The following IGSF10 variants were observed in gnomAD, a reference collection of about 807,000 sequenced individuals.
The protein encoded by IGSF10 is immunoglobulin superfamily member 10, also known as calvaria mechanical force protein 608.
A neutral mutation model predicts 128.2 loss-of-function variants in IGSF10; 126 were observed. The observed-to-expected ratio is 0.98, with a 90% CI of 0.85 to 1.14. The LOEUF is 1.14. Ranked by LOEUF, IGSF10 falls within the 50% of genes most tolerant of loss-of-function variation. The pLI is 0.00. For synonymous variants in IGSF10, 1,185 were observed against 1,146.2 expected (o/e 1.03, Z -0.68); for missense variants, 3,295 against 3,149.8 (o/e 1.05, Z -1.10).
Position 151,447,175 on chromosome 3 carries a change from G to C in IGSF10, c.2806C>G (p.Leu936Val). 6.2e-7 allele frequency: 1 copy of C among 1,614,186 alleles called. No individual in the cohort carries two copies. The highest frequency in any genetic ancestry group is 8.5e-7 in the Non-Finnish European group (1 of 1,180,024). ...AATAGTTTGTTGGTGGTGCTACTAA[G>C]CATTTTGACATTGACATCTTTGATC... The part of the protein sequence containing the change: ...TMIKDVNVKM[L>V]SSTTNKLLLE... Residue 936 changes from leucine (L) to valine (V), a missense_variant, in exon 6 of 8, where the codon CTT becomes GTT. By Grantham distance (32) the Leu-to-Val change is conservative. Coordinates refer to ENST00000282466, the MANE Select transcript of IGSF10 (RefSeq NM_178822.5).
At chr3:151,548,728 CT>C in the IGSF10 span, among the ~76,000 whole-genome samples, 9 of 151,826 alleles carry the variant, frequency 5.9e-5, no homozygotes, top group Non-Finnish European at 2.9e-5. Flanking sequence ...ATAGTTTTTC[CT>C]TTTTTTAATT....
In IGSF10 at chr3:151,460,938, G is replaced by A. The variant is rs886952749; in HGVS notation, c.-89+8C>T. 3.4e-4 allele frequency: 337 copies of A among 985,212 alleles called. No individual in the cohort carries two copies. The highest frequency in any genetic ancestry group is 3.8e-4 in the Non-Finnish European group (315 of 829,890). The allele number at this position is 985,212 out of a possible 1,614,324, so 61.0% of individuals were successfully genotyped here. ...CCTTTCCGGGGAAGGATTGGCCGAG[G>A]CGCTCACCTGTTTGCCCTGGTGACC... On this transcript the variant is annotated splice_region_variant and intron_variant, in intron 1 of 7. Transcript: ENST00000282466.
chr3:151,558,318 C>T, the IGSF10 span, among the ~76,000 whole-genome samples: 434 of 151,776 alleles, frequency 2.9e-3, 1 homozygote, highest in Middle Eastern at 6.8e-3. Context: ...CCAAGTTCTT[C>T]GGGTTAATTC....
chr3:151,551,653 C>T, the IGSF10 span, among the ~76,000 whole-genome samples: 1 of 130,428 alleles, frequency 7.7e-6, no homozygotes, highest in Non-Finnish European at 1.6e-5. Context: ...TGCCTTGGAA[C>T]ATGGGCATTA....
chr3:151,612,251 G>T, the IGSF10 span, among the ~76,000 whole-genome samples: 3 of 152,132 alleles, frequency 2.0e-5, no homozygotes, highest in East Asian at 1.9e-4. Context: ...TCTTGAAAAT[G>T]AATTGAAAAA....
the IGSF10 span, among the ~76,000 whole-genome samples, chr3:151,614,138 T>C: frequency 2.0e-5 from 3 of 152,262 alleles, no homozygotes; most frequent in South Asian, 2.1e-4. Context: ...CTCACACCAG[T>C]TAGAATGGCG....
At chr3:151,577,072 G>A in the IGSF10 span, among the ~76,000 whole-genome samples, 1 of 152,024 alleles carries the variant, frequency 6.6e-6, no homozygotes, top group Non-Finnish European at 1.5e-5. Context: ...ATGACATCGG[G>A]TCTGTCATGT....
At chr3:151,524,683 G>A in the IGSF10 span, among the ~76,000 whole-genome samples, 1 of 152,248 alleles carries the variant, frequency 6.6e-6, no homozygotes, top group Non-Finnish European at 1.5e-5. Flanking sequence ...TGGGTACTGG[G>A]CTTAATACCT....
the IGSF10 span, among the ~76,000 whole-genome samples, chr3:151,586,034 C>T: frequency 6.7e-6 from 1 of 149,966 alleles, no homozygotes; most frequent in Admixed American, 6.7e-5. Flanking sequence ...GGCTGGAGTG[C>T]AGTGTTGTGA....
the IGSF10 span, among the ~76,000 whole-genome samples, chr3:151,576,860 C>T: frequency 6.6e-6 from 1 of 152,166 alleles, no homozygotes; most frequent in Admixed American, 6.5e-5. Context: ...GAATAATCCA[C>T]TTCTTGTTTA....
At chr3:151,460,683 C>T (rs1257286833) in intron 1 of IGSF10, among the ~76,000 whole-genome samples, 1 of 151,978 alleles carries the variant, frequency 6.6e-6, no homozygotes, top group Non-Finnish European at 1.5e-5. Context: ...CTTTTTTGGA[C>T]AAATCTGTCA....
the IGSF10 span, among the ~76,000 whole-genome samples, chr3:151,531,976 T>C: frequency 1.3e-5 from 2 of 151,168 alleles, no homozygotes; most frequent in Non-Finnish European, 3.0e-5. Flanking sequence ...ATAAATGCAA[T>C]AAAAAATGAT....
the IGSF10 span, among the ~76,000 whole-genome samples, chr3:151,491,683 A>G: frequency 2.6e-5 from 4 of 152,186 alleles, no homozygotes; most frequent in African/African-American, 9.6e-5. Context: ...AAAGAAAAGC[A>G]CAGGACCAGA....
At chr3:151,546,817 C>G in the IGSF10 span, among the ~76,000 whole-genome samples, 1 of 152,088 alleles carries the variant, frequency 6.6e-6, no homozygotes, top group Non-Finnish European at 1.5e-5. Flanking sequence ...GTTGCCCAGG[C>G]TGAAGCGCAA....
In IGSF10 at chr3:151,447,833, AC is replaced by A. The variant is rs754084411; in HGVS notation, c.2147del (p.Ser716IlefsTer9). 3.7e-6 allele frequency: 6 copies of A among 1,612,830 alleles called. No homozygotes were observed. The South Asian group carries it at 6.6e-5, about 18-fold the overall frequency. On this transcript the variant is annotated frameshift_variant, in exon 6 of 8. Transcript: ENST00000282466. LOFTEE classifies it high-confidence loss of function. ...AEVGKHTSST[S>X]KRHNYRELTL... ...TTAATTCCCGATAGTTGTGCCTCTTACTTGTGCTTGAGGTGTGTTTTCCAAC... is the reference window on the plus strand; with the variant it reads ...TTAATTCCCGATAGTTGTGCCTCTTATTGTGCTTGAGGTGTGTTTTCCAAC...
At chr3:151,605,194 C>T in the IGSF10 span, among the ~76,000 whole-genome samples, 4 of 152,200 alleles carry the variant, frequency 2.6e-5, no homozygotes, top group African/African-American at 9.7e-5. Context: ...TCAAGCAACT[C>T]AAATTTTTTT....
Position 151,437,787 on chromosome 3 carries a change from G to T in IGSF10, c.6774C>A (p.His2258Gln), listed in dbSNP as rs1366117332. The T allele has an allele frequency of 6.2e-7, 1 of 1,613,860 alleles. No individual in the cohort carries two copies. The highest frequency in any genetic ancestry group is 8.5e-7 in the Non-Finnish European group (1 of 1,179,962). Residue 2258 changes from histidine to glutamine, a missense_variant, in exon 8 of 8, where the codon CAC becomes CAA. Physicochemically the swap from His to Gln is conservative, Grantham distance 24. Transcript: ENST00000282466. Reference protein sequence around the residue: ...KATAVRHSKKHFDCRAEGTPS... With the variant: ...KATAVRHSKKQFDCRAEGTPS... ...GTGTCCCTTCAGCTCTGCAGTCAAA[G>T]TGTTTTTTGGAATGTCTCACAGCTG...
chr3:151,450,883 A>T (rs1393333210), intron 5 of IGSF10, among the ~76,000 whole-genome samples: 6 of 137,444 alleles, frequency 4.4e-5, no homozygotes, highest in Non-Finnish European at 7.8e-5. Context: ...CAACAAGAGC[A>T]AAACTCTGTC....
chr3:151,587,833 G>A, the IGSF10 span, among the ~76,000 whole-genome samples: 1 of 152,208 alleles, frequency 6.6e-6, no homozygotes, highest in Non-Finnish European at 1.5e-5. Context: ...GAGTTTGCCT[G>A]CACAAGCTCT....
Sources: gnomAD v4.1 joint callset for allele counts (sites outside exome capture counted in the v4.1 genomes callset) on GRCh38, gnomAD v4.1.1 for gene constraint, MANE v1.5 for transcripts, NCBI Gene and HGNC (gene_info 2026-07-23, HGNC 2026-07-21) for gene names.